DNAH5: variants seen among roughly 807,000 people sequenced by gnomAD.
The protein encoded by DNAH5 is dynein axonemal heavy chain 5.
Under a neutral mutation model 518.2 loss-of-function variants are expected in DNAH5, and 372 were observed. That is an observed-to-expected ratio of 0.72 (90% CI 0.66 to 0.78). The LOEUF (loss-of-function observed/expected upper bound fraction) is 0.78, where lower values mean the gene tolerates loss of function less well. Ranked by LOEUF, DNAH5 falls within the 30% of genes least tolerant of loss-of-function variation. The pLI, the probability that DNAH5 is intolerant of heterozygous loss-of-function variation, is 0.00. For missense variants in DNAH5, 5,523 were observed against 5,687.0 expected (o/e 0.97, Z 0.93); for synonymous variants, 2,039 against 2,025.9 (o/e 1.01, Z -0.17).
At chr5:13,928,696 C>T (rs1778120572) in intron 2 of DNAH5, among the ~76,000 whole-genome samples, 1 of 152,210 alleles carries the variant, frequency 6.6e-6, no homozygotes, top group Non-Finnish European at 1.5e-5. Flanking sequence ...CACTGTAAGT[C>T]TACAAGTCTA....
intron 57 of DNAH5, among the ~76,000 whole-genome samples, 179 bp from the exon 58 acceptor site, chr5:13,769,315 T>C (rs1257896806): frequency 6.6e-6 from 1 of 151,170 alleles, no homozygotes; most frequent in Non-Finnish European, 1.5e-5. Flanking sequence ...TAGCGCGATC[T>C]TGGCTCACTG....
chr5:13,939,643 C>T (rs890275210), intron 1 of DNAH5, among the ~76,000 whole-genome samples: 1 of 152,134 alleles, frequency 6.6e-6, no homozygotes, highest in African/African-American at 2.4e-5. Flanking sequence ...TGATGCTTCC[C>T]AGCCCAGCCT....
rs2126813474 is a variant in DNAH5 at position 13,777,194 on chromosome 5, G to A, written c.9105+8C>T. The A allele has an allele frequency of 6.2e-7, 1 of 1,610,886 alleles. No individual in the cohort carries two copies. Among genetic ancestry groups the A allele is most frequent in the Non-Finnish European group, 8.5e-7 (1 of 1,177,838 alleles). ...GATAAAACACATAAAGAATAAATGA[G>A]CTCCTACCTCACCTGATGATAAAAC... On this transcript the variant is annotated splice_region_variant and intron_variant, in intron 54 of 78. Transcript: ENST00000265104.
In DNAH5 at chr5:13,817,820, T is replaced by C. The variant is rs1580400808; in HGVS notation, c.6842-126A>G. On this transcript the variant is annotated intron_variant, in intron 41 of 78. Transcript: ENST00000265104. The stretch of plus-strand genomic sequence containing the variant: ...AAATATGAAAACTGCAGAACTACAT[T>C]GAAAATATGTCTTACTGCATTCTAA... The C allele has an allele frequency of 6.2e-6, 5 of 806,686 alleles. No homozygotes were observed. In the East Asian group the frequency reaches 1.3e-4, roughly 21 times the overall value. 50.0% of individuals were successfully genotyped at this position (806,686 alleles called of 1,614,324 possible). A position where few individuals can be genotyped will look rare whatever the true frequency, so the allele number is the denominator to read the frequency against.
At chr5:13,883,200 TAATA>T in intron 19 of DNAH5, 106 bp from the exon 20 acceptor site, 1 of 1,169,744 alleles carries the variant, frequency 8.5e-7, no homozygotes, top group Non-Finnish European at 1.2e-6. Flanking sequence ...GTATAAAATC[TAATA>T]AATATTTGTT....
At position 13,820,335 on chromosome 5, in the gene DNAH5, C is replaced by A; in HGVS notation, c.6841+11G>T. On this transcript the variant is annotated intron_variant, in intron 41 of 78. Transcript: ENST00000265104. ...GGGCCACCCCAGGCATTGACCTTGGCTGCCCTGTACCTGTCATGGCTCTCA... is the reference window on the plus strand; with the variant it reads ...GGGCCACCCCAGGCATTGACCTTGGATGCCCTGTACCTGTCATGGCTCTCA... 1 of 1,607,208 alleles carries A rather than the reference C, an allele frequency of 6.2e-7. No homozygotes were observed.
intron 29 of DNAH5, among the ~76,000 whole-genome samples, chr5:13,861,034 G>A (rs1253716758): frequency 6.6e-6 from 1 of 152,034 alleles, no homozygotes; most frequent in African/African-American, 2.4e-5. Context: ...TACCCACAGC[G>A]CCTAGAAGAG....
intron 1 of DNAH5, among the ~76,000 whole-genome samples, chr5:13,995,555 G>A (rs1040393616): frequency 7.9e-5 from 12 of 151,916 alleles, no homozygotes; most frequent in African/African-American, 2.9e-4. Context: ...GTATTAAACT[G>A]AATATTTACT....
intron 1 of DNAH5, among the ~76,000 whole-genome samples, chr5:14,007,074 C>T (rs1784771344): frequency 6.6e-6 from 1 of 152,210 alleles, no homozygotes; most frequent in Non-Finnish European, 1.5e-5. Context: ...GTCAGCTCCA[C>T]CCAGGCGAGG....
At chr5:13,807,849 G>A in intron 46 of DNAH5, 124 bp from the exon 47 acceptor site, 2 of 846,398 alleles carry the variant, frequency 2.4e-6, no homozygotes, top group Non-Finnish European at 3.8e-6. Flanking sequence ...GATTCTATTT[G>A]GAGATAAGGT....
chr5:13,877,728 T>C (rs1771087854), intron 21 of DNAH5, among the ~76,000 whole-genome samples: 1 of 152,180 alleles, frequency 6.6e-6, no homozygotes, highest in Non-Finnish European at 1.5e-5. Flanking sequence ...TTTCTCTCTG[T>C]GGAAATGAGG....
At chr5:13,825,754 T>C (rs1762811326) in intron 38 of DNAH5, among the ~76,000 whole-genome samples, 1 of 152,200 alleles carries the variant, frequency 6.6e-6, no homozygotes, top group African/African-American at 2.4e-5. Context: ...AGTTTCAGTT[T>C]TTCAAGATGA....
Position 13,797,754 on chromosome 5 carries a change from CGT to C in DNAH5, c.7888-3698_7888-3697del, listed in dbSNP as rs753724798. Among the ~76,000 whole-genome samples the C allele has an allele frequency of 1.4e-3, 216 of 152,072 alleles. 1 individual carries two copies. Among genetic ancestry groups the C allele is most frequent in the Non-Finnish European group, 2.0e-3 (137 of 68,026 alleles). ...ATGCTACTATAAAGACACATGCACA[CGT>C]ATGTTTACTGCAGCACTATTCACAA... On this transcript the variant is annotated intron_variant, in intron 47 of 78. Coordinates refer to ENST00000265104, the MANE Select transcript of DNAH5 (RefSeq NM_001369.3).
At chr5:13,731,816 G>A (rs1746599093) in intron 68 of DNAH5, among the ~76,000 whole-genome samples, 1 of 152,166 alleles carries the variant, frequency 6.6e-6, no homozygotes, top group South Asian at 2.1e-4. Flanking sequence ...TCCCATCTTA[G>A]AAATGACTGA....
intron 1 of DNAH5, among the ~76,000 whole-genome samples, chr5:13,986,667 T>A (rs1783074245): frequency 6.6e-6 from 1 of 152,186 alleles, no homozygotes; most frequent in African/African-American, 2.4e-5. Context: ...TCCTGAGACC[T>A]GGCATCATCA....
At position 13,799,206 on chromosome 5, in the gene DNAH5, A is replaced by ACCC. The variant is rs70964509; in HGVS notation, c.7888-5151_7888-5149dup. On this transcript the variant is annotated intron_variant, in intron 47 of 78. Transcript: ENST00000265104. The stretch of plus-strand genomic sequence containing the variant: ...TGTACAATAGCAAAAAGAATTTCAT[A>ACCC]CCCCCCCCCACAAAAATGCAAAATT... 3.3e-3 allele frequency among the ~76,000 whole-genome samples: 456 copies of ACCC among 139,092 alleles called. 3 individuals carry two copies. Among genetic ancestry groups the ACCC allele is most frequent in the Non-Finnish European group, 4.3e-3 (276 of 63,924 alleles). 91.2% of individuals were successfully genotyped at this position (139,092 alleles called of 152,430 possible). A position where few individuals can be genotyped will look rare whatever the true frequency, so the allele number is the denominator to read the frequency against.
At chr5:13,992,978 T>G (rs187690443) in intron 1 of DNAH5, among the ~76,000 whole-genome samples, 16 of 152,296 alleles carry the variant, frequency 1.1e-4, no homozygotes, top group African/African-American at 2.9e-4. Flanking sequence ...AAAGCTCTTT[T>G]TTGAGAAGTG....
At chr5:13,960,293 C>T (rs1422676111) in intron 1 of DNAH5, among the ~76,000 whole-genome samples, 1 of 152,130 alleles carries the variant, frequency 6.6e-6, no homozygotes. Flanking sequence ...AGGAGGTGCA[C>T]AGATGAGTGA....
chr5:13,877,159 GAA>G (rs574887857), intron 21 of DNAH5, among the ~76,000 whole-genome samples: 1 of 152,076 alleles, frequency 6.6e-6, no homozygotes, highest in Non-Finnish European at 1.5e-5. Context: ...ATAACTGGAG[GAA>G]AAAAACCTAC....
Sources: gnomAD v4.1 joint callset for allele counts (sites outside exome capture counted in the v4.1 genomes callset) on GRCh38, gnomAD v4.1.1 for gene constraint, MANE v1.5 for transcripts, NCBI Gene and HGNC (gene_info 2026-07-23, HGNC 2026-07-21) for gene names.